HNF4G: variants seen among roughly 807,000 people sequenced by gnomAD.
HNF4G encodes the protein hepatocyte nuclear factor 4-gamma.
A neutral mutation model predicts 50.9 loss-of-function variants in HNF4G; 21 were observed. The ratio of observed to expected loss-of-function variants is 0.41; its 90% CI spans 0.29 to 0.59. The LOEUF is 0.59. HNF4G is among the 20% of genes least tolerant of loss of function. The pLI is 0.26. For missense variants in HNF4G, 527 were observed against 559.4 expected (o/e 0.94, Z 0.58); for synonymous variants, 198 against 185.6 (o/e 1.07, Z -0.54).
intron 1 of HNF4G, among the ~76,000 whole-genome samples, chr8:75,432,200 A>G (rs919722030): frequency 2.0e-5 from 3 of 151,974 alleles, no homozygotes; most frequent in Admixed American, 1.3e-4. Flanking sequence ...TATAGGTTAA[A>G]CCATGATTGT....
chr8:75,542,432 C>A, intron 1 of HNF4G, among the ~76,000 whole-genome samples: 1 of 150,990 alleles, frequency 6.6e-6, no homozygotes, highest in South Asian at 2.1e-4. Flanking sequence ...TAACAGAAAC[C>A]TGGTAGCTAG....
chr8:75,521,067 A>T (rs1806026425), intron 2 of HNF4G, among the ~76,000 whole-genome samples: 2 of 152,174 alleles, frequency 1.3e-5, no homozygotes, highest in Admixed American at 1.3e-4. Context: ...TTAAAGTATT[A>T]TCTCAAGTGG....
intron 2 of HNF4G, among the ~76,000 whole-genome samples, chr8:75,496,880 G>C (rs563509391): frequency 6.1e-4 from 93 of 151,978 alleles, no homozygotes; most frequent in African/African-American, 2.1e-3. Context: ...CTAAAGTTTT[G>C]TGACTATGAG....
At chr8:75,473,732 T>C (rs1223406688) in intron 1 of HNF4G, among the ~76,000 whole-genome samples, 1 of 151,996 alleles carries the variant, frequency 6.6e-6, no homozygotes, top group Non-Finnish European at 1.5e-5. Flanking sequence ...TTCACTCGGA[T>C]TGGAACTGGG....
chr8:75,448,389 C>A (rs1354347661), intron 1 of HNF4G, among the ~76,000 whole-genome samples: 1 of 139,412 alleles, frequency 7.2e-6, no homozygotes, highest in East Asian at 2.2e-4. Flanking sequence ...TGTAACTAAC[C>A]TGCACAATGT....
At chr8:75,532,028 C>G (rs190508683) in intron 2 of HNF4G, among the ~76,000 whole-genome samples, 4 of 152,012 alleles carry the variant, frequency 2.6e-5, no homozygotes, top group Admixed American at 1.3e-4. Flanking sequence ...CTTCACTATT[C>G]TTTCATTTAT....
chr8:75,514,177 A>G (rs1805829941), intron 2 of HNF4G, among the ~76,000 whole-genome samples: 1 of 151,770 alleles, frequency 6.6e-6, no homozygotes, highest in African/African-American at 2.4e-5. Context: ...CCATTGTAGT[A>G]TTTTACCATT....
intron 1 of HNF4G, among the ~76,000 whole-genome samples, chr8:75,477,824 G>A (rs547070318): frequency 2.6e-5 from 4 of 152,110 alleles, no homozygotes; most frequent in African/African-American, 9.6e-5. Context: ...AAAATTAGTC[G>A]GATGTGGTGG....
intron 2 of HNF4G, among the ~76,000 whole-genome samples, chr8:75,517,114 G>A (rs992412826): frequency 1.3e-5 from 2 of 152,156 alleles, no homozygotes; most frequent in Non-Finnish European, 2.9e-5. Flanking sequence ...CAGATATCAT[G>A]AGACTTATTC....
chr8:75,515,144 C>A (rs1805856662), intron 2 of HNF4G, among the ~76,000 whole-genome samples: 1 of 152,074 alleles, frequency 6.6e-6, no homozygotes, highest in African/African-American at 2.4e-5. Flanking sequence ...AGTTAAGCAC[C>A]CAGAATTCAG....
intron 1 of HNF4G, among the ~76,000 whole-genome samples, chr8:75,449,062 CA>C (rs1008831036): frequency 3.9e-5 from 6 of 151,976 alleles, no homozygotes; most frequent in African/African-American, 1.4e-4. Context: ...TAAAGGGCCC[CA>C]AAAAGTTGTT....
intron 1 of HNF4G, among the ~76,000 whole-genome samples, chr8:75,417,472 A>T (rs1478423000): frequency 6.6e-6 from 1 of 152,252 alleles, no homozygotes; most frequent in Non-Finnish European, 1.5e-5. Flanking sequence ...GAGACTAAAT[A>T]ATTAGTGTAA....
intron 1 of HNF4G, among the ~76,000 whole-genome samples, chr8:75,488,439 AT>A (rs201958822): frequency 1.2e-4 from 18 of 146,634 alleles, no homozygotes; most frequent in South Asian, 2.2e-4. Flanking sequence ...ATGCCTGGCT[AT>A]TTTTTTTTTG....
intron 1 of HNF4G, among the ~76,000 whole-genome samples, chr8:75,449,778 A>T (rs1338362901): frequency 1.3e-5 from 2 of 152,102 alleles, no homozygotes; most frequent in Admixed American, 1.3e-4. Flanking sequence ...AAGTGCTGGG[A>T]TTACAGGCAT....
At position 75,558,803 on chromosome 8, in the gene HNF4G, G is replaced by T. The variant is rs763679635; in HGVS notation, c.889G>T (p.Ala297Ser). The T allele has an allele frequency of 9.9e-6, 16 of 1,612,462 alleles. No homozygotes were observed. The highest frequency in any genetic ancestry group is 1.7e-5 in the Admixed American group (1 of 59,978). Residue 297 changes from alanine (A) to serine (S), a missense_variant and splice_region_variant, in exon 8 of 10, where the codon GCA becomes TCA. Ala to Ser is a moderately conservative substitution (Grantham distance 99, BLOSUM62 1). This residue lies in a region of HNF4G where 308 missense variants were observed against 301.5 expected (regional missense o/e 1.02). Transcript: ENST00000396423. ...LKAIVFFDPD[A>S]KGLSDPVKIK... is the part of the protein sequence containing the mutation. ...TGCCTCTCTTATTCCTTTGTTAGAT[G>T]CAAAAGGGCTAAGCGATCCAGTAAA...
chr8:75,413,609 C>T (rs1392302035), intron 1 of HNF4G, among the ~76,000 whole-genome samples: 1 of 152,064 alleles, frequency 6.6e-6, no homozygotes, highest in East Asian at 1.9e-4. Flanking sequence ...TGGCTCATGC[C>T]TGTAATCCTA....
intron 1 of HNF4G, among the ~76,000 whole-genome samples, chr8:75,434,896 T>C (rs910607596): frequency 3.9e-5 from 6 of 152,214 alleles, no homozygotes; most frequent in Admixed American, 6.5e-5. Context: ...GTCTGATAAA[T>C]CATTAAGGAC....
intron 1 of HNF4G, among the ~76,000 whole-genome samples, chr8:75,441,446 A>G (rs1488176991): frequency 6.6e-6 from 1 of 152,046 alleles, no homozygotes; most frequent in East Asian, 1.9e-4. Context: ...GGGTTTCGCC[A>G]TGTTGTCCAG....
intron 1 of HNF4G, among the ~76,000 whole-genome samples, chr8:75,409,097 T>A (rs757489226): frequency 6.6e-6 from 1 of 152,186 alleles, no homozygotes; most frequent in Non-Finnish European, 1.5e-5. Context: ...TGATCTGCTG[T>A]GTGGTCGAAG....
Sources: allele counts gnomAD v4.1 joint callset (sites outside exome capture counted in the v4.1 genomes callset), GRCh38; gene constraint gnomAD v4.1.1; regional missense constraint gnomAD v4.1.1; transcripts MANE v1.5; gene names NCBI Gene and HGNC (gene_info 2026-07-23, HGNC 2026-07-21).